MOXD1: variants seen among roughly 807,000 people sequenced by gnomAD.
MOXD1 encodes the protein DBH-like monooxygenase protein 1.
MOXD1 carries 62 observed loss-of-function variants against 66.6 expected under a neutral mutation model. The observed-to-expected ratio is 0.93, with a 90% CI of 0.76 to 1.15. MOXD1 has a LOEUF of 1.15. Among genes scored for constraint, MOXD1 ranks in the 50% most tolerant of loss-of-function variants. The pLI, the probability that MOXD1 is intolerant of heterozygous loss-of-function variation, is 0.00. For synonymous variants in MOXD1, 303 were observed against 281.9 expected, an observed-to-expected ratio of 1.07 and a Z score of -0.75; for missense variants, 847 against 754.6, an observed-to-expected ratio of 1.12 and a Z score of -1.44.
chr6:132,338,291 A>G (rs2114602598), intron 4 of MOXD1, among the ~76,000 whole-genome samples: 2 of 152,320 alleles, frequency 1.3e-5, no homozygotes, highest in East Asian at 3.9e-4. Context: ...TCAGTGCTCT[A>G]CCAAGAACAC....
At chr6:132,318,191 T>A (rs1211953214) in intron 9 of MOXD1, among the ~76,000 whole-genome samples, 1 of 152,072 alleles carries the variant, frequency 6.6e-6, no homozygotes, top group East Asian at 1.9e-4. Context: ...CTGAAACACA[T>A]TCTGCAAAAG....
At chr6:132,304,312 T>G (rs1226369175) in intron 10 of MOXD1, among the ~76,000 whole-genome samples, 1 of 152,118 alleles carries the variant, frequency 6.6e-6, no homozygotes, top group Non-Finnish European at 1.5e-5. Flanking sequence ...TGCCTTGATT[T>G]TGGACTTCCC....
In MOXD1 at chr6:132,328,604, CATAA is replaced by C; in HGVS notation, c.664-14_664-11del. 1 of 1,611,704 alleles carries C rather than the reference CATAA, an allele frequency of 6.2e-7. No individual in the cohort carries two copies. The highest frequency in any genetic ancestry group is 8.5e-7 in the Non-Finnish European group (1 of 1,178,282). ...GTATCACTGGCTCAACCTACACGAA[CATAA>C]ATGAGAGGGAGGACACAATAAATAA... On this transcript the variant is annotated splice_polypyrimidine_tract_variant and intron_variant, in intron 4 of 11. Transcript: ENST00000367963.
At position 132,298,851 on chromosome 6, in the gene MOXD1, G is replaced by A. The variant is rs571491204; in HGVS notation, c.1509-896C>T. 2.0e-5 allele frequency among the ~76,000 whole-genome samples: 3 copies of A among 152,200 alleles called. No homozygotes were observed. The South Asian group carries it at 6.2e-4, about 32-fold the overall frequency. ...ATGTAAATTAGTTCAGCCAACTGTGGAAGCAGTTTGTAGATTTCTCAAAGA... is the reference window on the plus strand; with the variant it reads ...ATGTAAATTAGTTCAGCCAACTGTGAAAGCAGTTTGTAGATTTCTCAAAGA... On this transcript the variant is annotated intron_variant, in intron 10 of 11. Transcript: ENST00000367963.
rs1465103619 is a variant in MOXD1 at position 132,340,174 on chromosome 6, C to T, written c.664-11580G>A. On this transcript the variant is annotated intron_variant, in intron 4 of 11. Transcript: ENST00000367963. ...TTGGGATTACAGGTGCGAGCCACCG[C>T]GCCTGGCCAAAGCTACAGCTCTTGA... Among the ~76,000 whole-genome samples the T allele has an allele frequency of 1.2e-4, 18 of 152,190 alleles. No homozygotes were observed. The East Asian group carries it at 2.5e-3, about 21-fold the overall frequency.
At chr6:132,358,750 TTA>T (rs1775955491) in intron 4 of MOXD1, among the ~76,000 whole-genome samples, 2 of 152,162 alleles carry the variant, frequency 1.3e-5, no homozygotes, top group Non-Finnish European at 2.9e-5. Context: ...CCCAATTTTA[TTA>T]ATAAAGGTAA....
Position 132,324,039 on chromosome 6 carries a change from A to C in MOXD1, c.1005T>G (p.Asp335Glu). The change falls in exon 7 of 12, where the codon GAT becomes GAG. Residue 335 changes from aspartate to glutamate, a missense_variant. Coordinates refer to ENST00000367963, the MANE Select transcript of MOXD1 (RefSeq NM_015529.4). Reference protein sequence around the residue: ...LFYTMDIRKYDAGVIEAGLWV... With the variant: ...LFYTMDIRKYEAGVIEAGLWV... ...AGAGGCCAGCCTCAATCACCCCAGC[A>C]TCATATTTCCTTATATCCATTGTGT... 2 of 1,613,994 alleles carry C rather than the reference A, an allele frequency of 1.2e-6. No homozygotes were observed. The highest frequency in any genetic ancestry group is 1.7e-6 in the Non-Finnish European group (2 of 1,179,928).
At chr6:132,338,092 C>T (rs1342632185) in intron 4 of MOXD1, among the ~76,000 whole-genome samples, 5 of 152,126 alleles carry the variant, frequency 3.3e-5, no homozygotes, top group Admixed American at 3.3e-4. Context: ...CTCAAAGCAA[C>T]CTTATGTGTT....
chr6:132,349,726 T>C (rs183616397), intron 4 of MOXD1, among the ~76,000 whole-genome samples: 2 of 152,084 alleles, frequency 1.3e-5, no homozygotes, highest in Non-Finnish European at 2.9e-5. Context: ...CTTACTAGTT[T>C]ACATTCCCAC....
At chr6:132,302,253 C>G (rs1446009198) in intron 10 of MOXD1, among the ~76,000 whole-genome samples, 1 of 152,118 alleles carries the variant, frequency 6.6e-6, no homozygotes, top group Non-Finnish European at 1.5e-5. Flanking sequence ...GAGTAAACAT[C>G]TATTCTAGAC....
intron 1 of MOXD1, chr6:132,391,713 G>A (rs1776769032): frequency 6.6e-6 from 1 of 152,388 alleles, no homozygotes; most frequent in Admixed American, 6.5e-5. Flanking sequence ...CCACCATTCA[G>A]TTTCTTTGAA....
chr6:132,333,067 T>C (rs894357486), intron 4 of MOXD1, among the ~76,000 whole-genome samples: 1 of 152,188 alleles, frequency 6.6e-6, no homozygotes, highest in African/African-American at 2.4e-5. Context: ...CCGGGCGCTG[T>C]GGCTCACGCC....
intron 1 of MOXD1, among the ~76,000 whole-genome samples, chr6:132,398,955 A>AT (rs1776960394): frequency 1.3e-5 from 2 of 151,138 alleles, no homozygotes; most frequent in African/African-American, 4.9e-5. Flanking sequence ...AAAAAAAAAA[A>AT]GAGAATCCTA....
At position 132,372,650 on chromosome 6, in the gene MOXD1, C is replaced by T. The variant is rs1776287965; in HGVS notation, c.621G>A (p.Met207Ile). 6.2e-7 allele frequency: 1 copy of T among 1,613,954 alleles called. No individual in the cohort carries two copies. ...PNKDTTYWCQMFKIPVFQEKH... is the reference protein window; with the variant it reads ...PNKDTTYWCQIFKIPVFQEKH... ...TTTCTTGGAACACAGGAATCTTAAA[C>T]ATTTGGCACCAATATGTTGTATCTT... Residue 207 changes from methionine (M) to isoleucine (I), a missense_variant, in exon 4 of 12, where the codon ATG becomes ATA. Transcript: ENST00000367963.
intron 4 of MOXD1, among the ~76,000 whole-genome samples, chr6:132,364,940 G>C (rs561962227): frequency 5.5e-4 from 84 of 152,136 alleles, no homozygotes; most frequent in Admixed American, 1.7e-3. Context: ...TGTAGGCCAT[G>C]GTACAACCAC....
At chr6:132,351,923 G>T (rs1055785103) in intron 4 of MOXD1, among the ~76,000 whole-genome samples, 16 of 152,060 alleles carry the variant, frequency 1.1e-4, no homozygotes, top group African/African-American at 3.9e-4. Context: ...GTGTATAAAG[G>T]TGTTCAAAGT....
At chr6:132,306,557 T>C (rs1438572547) in intron 10 of MOXD1, among the ~76,000 whole-genome samples, 8 of 151,978 alleles carry the variant, frequency 5.3e-5, no homozygotes, top group Admixed American at 5.2e-4. Context: ...AGACACATAA[T>C]AATCAGATTC....
chr6:132,397,363 C>T (rs1253454347), intron 1 of MOXD1, among the ~76,000 whole-genome samples: 1 of 152,220 alleles, frequency 6.6e-6, no homozygotes, highest in Non-Finnish European at 1.5e-5. Context: ...GGACCCATTT[C>T]CTGGCATAGA....
intron 1 of MOXD1, among the ~76,000 whole-genome samples, chr6:132,394,444 A>G (rs1776830756): frequency 6.6e-6 from 1 of 152,242 alleles, no homozygotes; most frequent in Non-Finnish European, 1.5e-5. Flanking sequence ...CACCATAATT[A>G]TCCAGCAACA....
Sources: allele counts gnomAD v4.1 joint callset (sites outside exome capture counted in the v4.1 genomes callset), GRCh38; gene constraint gnomAD v4.1.1; transcripts MANE v1.5; gene names NCBI Gene and HGNC (gene_info 2026-07-23, HGNC 2026-07-21).